FSTL4: variants seen among roughly 807,000 people sequenced by gnomAD.
The protein encoded by FSTL4 is follistatin-related protein 4.
FSTL4 carries 28 observed loss-of-function variants against 78.2 expected under a neutral mutation model. That is an observed-to-expected ratio of 0.36 (90% CI 0.27 to 0.49). FSTL4 has a LOEUF of 0.49. FSTL4 is among the 20% of genes least tolerant of loss of function. The pLI, the probability that FSTL4 is intolerant of heterozygous loss-of-function variation, is 0.98. For missense variants in FSTL4, 922 were observed against 1,084.9 expected (o/e 0.85, Z 2.11); for synonymous variants, 422 against 440.5 (o/e 0.96, Z 0.53).
chr5:133,609,133 T>C (rs1052517338), intron 1 of FSTL4, among the ~76,000 whole-genome samples: 11 of 152,188 alleles, frequency 7.2e-5, no homozygotes. Context: ...AGAAATGGCT[T>C]CTTTTTGTAA....
the FSTL4 span, among the ~76,000 whole-genome samples, chr5:133,650,994 A>G: frequency 6.6e-6 from 1 of 152,106 alleles, no homozygotes; most frequent in Non-Finnish European, 1.5e-5. Context: ...TTATTTTTTG[A>G]GTGCTAATGT....
intron 3 of FSTL4, among the ~76,000 whole-genome samples, chr5:133,449,232 C>T (rs1428493701): frequency 6.6e-6 from 1 of 152,188 alleles, no homozygotes; most frequent in Non-Finnish European, 1.5e-5. Context: ...TCGCGCCTCA[C>T]CTTGAACCTG....
At chr5:133,238,770 G>A (rs1751737868) in intron 7 of FSTL4, among the ~76,000 whole-genome samples, 1 of 152,224 alleles carries the variant, frequency 6.6e-6, no homozygotes, top group Admixed American at 6.5e-5. Context: ...GACCAACACT[G>A]AGGTTACGGC....
the FSTL4 span, among the ~76,000 whole-genome samples, chr5:133,671,748 A>G: frequency 6.6e-6 from 1 of 152,232 alleles, no homozygotes; most frequent in Admixed American, 6.5e-5. Flanking sequence ...GCAGAGGAAA[A>G]CAAAGGAAGG....
intron 3 of FSTL4, among the ~76,000 whole-genome samples, chr5:133,499,284 C>A (rs1358492181): frequency 6.6e-6 from 1 of 151,338 alleles, no homozygotes; most frequent in Admixed American, 6.6e-5. Context: ...TTGAACAGAG[C>A]CCTCTCATGG....
chr5:133,549,094 C>G (rs1459479627), intron 3 of FSTL4, among the ~76,000 whole-genome samples: 1 of 152,054 alleles, frequency 6.6e-6, no homozygotes, highest in African/African-American at 2.4e-5. Context: ...TTTGTTTATC[C>G]TATTTGGGAT....
intron 4 of FSTL4, chr5:133,387,865 G>A (rs924882516): frequency 6.6e-6 from 1 of 152,062 alleles, no homozygotes; most frequent in Admixed American, 6.6e-5. Context: ...ACGTCAGTCA[G>A]TGGCTGATCC....
the FSTL4 span, among the ~76,000 whole-genome samples, chr5:133,774,058 C>T: frequency 4.0e-3 from 610 of 152,272 alleles, 6 homozygotes; most frequent in African/African-American, 0.014. Context: ...CTGGGATACG[C>T]TAACCGCTTC....
At chr5:133,265,811 A>T (rs1252951816) in intron 6 of FSTL4, among the ~76,000 whole-genome samples, 1 of 152,066 alleles carries the variant, frequency 6.6e-6, no homozygotes, top group African/African-American at 2.4e-5. Flanking sequence ...CCATGTGGGG[A>T]TGTGAAAGCG....
At chr5:133,637,517 T>C in the FSTL4 span, among the ~76,000 whole-genome samples, 1 of 152,142 alleles carries the variant, frequency 6.6e-6, no homozygotes, top group Non-Finnish European at 1.5e-5. Context: ...TGAGTAGAAC[T>C]AGACACAGCT....
intron 3 of FSTL4, among the ~76,000 whole-genome samples, chr5:133,421,564 G>A (rs368600400): frequency 7.8e-4 from 119 of 152,370 alleles, no homozygotes; most frequent in African/African-American, 2.5e-3. Flanking sequence ...CCACGGGGTG[G>A]CCATTGCCCT....
chr5:133,623,451 A>G, the FSTL4 span, among the ~76,000 whole-genome samples: 2 of 151,986 alleles, frequency 1.3e-5, no homozygotes, highest in African/African-American at 4.8e-5. Context: ...TCCACATGCA[A>G]AAGAATGTGT....
At chr5:133,333,715 A>G (rs1177821637) in intron 4 of FSTL4, among the ~76,000 whole-genome samples, 10 of 152,258 alleles carry the variant, frequency 6.6e-5, no homozygotes, top group African/African-American at 2.4e-4. Flanking sequence ...TGGAGCAAGC[A>G]GAGTCACACC....
At chr5:133,802,710 G>A in the FSTL4 span, among the ~76,000 whole-genome samples, 3 of 152,214 alleles carry the variant, frequency 2.0e-5, no homozygotes, top group South Asian at 2.1e-4. Flanking sequence ...TGCTGTACCT[G>A]CAACTTTTAT....
At chr5:133,834,541 T>C in the FSTL4 span, among the ~76,000 whole-genome samples, 1 of 151,950 alleles carries the variant, frequency 6.6e-6, no homozygotes, top group East Asian at 1.9e-4. Context: ...ATTATAGACA[T>C]ACATAGAAAA....
the FSTL4 span, among the ~76,000 whole-genome samples, chr5:133,722,396 G>A: frequency 6.6e-6 from 1 of 152,044 alleles, no homozygotes; most frequent in Admixed American, 6.6e-5. Flanking sequence ...TCTCTCGTAT[G>A]TTTTTTATTT....
the FSTL4 span, among the ~76,000 whole-genome samples, chr5:133,755,950 C>G: frequency 6.6e-6 from 1 of 152,216 alleles, no homozygotes; most frequent in Non-Finnish European, 1.5e-5. Flanking sequence ...CCTACTATGT[C>G]CCAGGTTGCA....
the FSTL4 span, among the ~76,000 whole-genome samples, chr5:133,794,384 C>T: frequency 1.3e-5 from 2 of 152,340 alleles, no homozygotes; most frequent in South Asian, 4.1e-4. Context: ...GAAATCAGCT[C>T]ATTAGTGTGG....
chr5:133,693,100 G>A, the FSTL4 span, among the ~76,000 whole-genome samples: 1 of 152,232 alleles, frequency 6.6e-6, no homozygotes, highest in African/African-American at 2.4e-5. Flanking sequence ...CACATACTGA[G>A]GAAGTTCTCT....
Sources: allele counts gnomAD v4.1 joint callset (sites outside exome capture counted in the v4.1 genomes callset), GRCh38; gene constraint gnomAD v4.1.1; transcripts MANE v1.5; gene names NCBI Gene and HGNC (gene_info 2026-07-23, HGNC 2026-07-21).